ACAN: variants seen among roughly 807,000 people sequenced by gnomAD.
ACAN encodes aggrecan core protein.
A neutral mutation model predicts 169.1 loss-of-function variants in ACAN; 47 were observed. The observed-to-expected ratio is 0.28, with a 90% CI of 0.22 to 0.35. ACAN has a LOEUF of 0.35. ACAN is among the 10% of genes least tolerant of loss of function. ACAN has a pLI of 1.00. For missense variants in ACAN, 2,716 were observed against 2,759.9 expected, an observed-to-expected ratio of 0.98 and a Z score of 0.36; for synonymous variants, 1,115 against 1,112.2, an observed-to-expected ratio of 1.00 and a Z score of -0.05.
intron 1 of ACAN, among the ~76,000 whole-genome samples, chr15:88,828,511 C>T (rs889554418): frequency 1.8e-4 from 27 of 152,076 alleles, no homozygotes; most frequent in South Asian, 2.1e-4. Context: ...TCTGCCTTTT[C>T]GTCCCTAGCA....
intron 1 of ACAN, among the ~76,000 whole-genome samples, chr15:88,829,799 A>G (rs980480145): frequency 1.3e-5 from 2 of 152,194 alleles, no homozygotes; most frequent in Non-Finnish European, 2.9e-5. Flanking sequence ...TCATCTAACA[A>G]GGAGGTGTCA....
chr15:88,859,780 G>T (rs1473732188), intron 12 of ACAN, among the ~76,000 whole-genome samples: 2 of 152,224 alleles, frequency 1.3e-5, no homozygotes, highest in Non-Finnish European at 2.9e-5. Context: ...AGGGAGAGAA[G>T]GATGACTGTC....
At chr15:88,818,793 G>A (rs1268660187) in intron 1 of ACAN, among the ~76,000 whole-genome samples, 2 of 152,194 alleles carry the variant, frequency 1.3e-5, no homozygotes, top group Non-Finnish European at 2.9e-5. Context: ...CCCATGAAGA[G>A]ATTCAGTTTG....
chr15:88,841,990 C>T (rs1012911069), intron 5 of ACAN, 123 bp downstream of exon 5: 1 of 1,320,200 alleles, frequency 7.6e-7, no homozygotes, highest in Middle Eastern at 2.1e-4. Context: ...CACACTCTGT[C>T]CTCCTCTGCC....
chr15:88,819,397 C>G (rs1185938301), intron 1 of ACAN, among the ~76,000 whole-genome samples: 1 of 152,028 alleles, frequency 6.6e-6, no homozygotes, highest in Non-Finnish European at 1.5e-5. Context: ...ATGTTGAACT[C>G]GCTCCATGTG....
rs1418411643 is a variant in ACAN, at chr15:88,855,259, A to G, written c.2674A>G (p.Ser892Gly). The G allele has an allele frequency of 3.1e-6, 5 of 1,607,752 alleles. No homozygotes were observed. The highest frequency in any genetic ancestry group is 2.2e-5 in the East Asian group (1 of 44,702). The change falls in exon 12 of 19, where the codon AGT (serine) becomes GGT (glycine). Residue 892 changes from serine to glycine, a missense_variant. By Grantham distance (56) the Ser-to-Gly change is moderately conservative. Transcript: ENST00000560601. ...TGGGCAGCTGTCAGGGGACAGGGCAAGTGGACTGCCCTCTGGAGACCTGGA... is the reference window on the plus strand; with the variant it reads ...TGGGCAGCTGTCAGGGGACAGGGCAGGTGGACTGCCCTCTGGAGACCTGGA... Reference protein sequence around the residue: ...FSGQLSGDRASGLPSGDLDSS... With the variant: ...FSGQLSGDRAGGLPSGDLDSS...
At chr15:88,831,976 A>G (rs1358700802) in intron 1 of ACAN, among the ~76,000 whole-genome samples, 2 of 152,128 alleles carry the variant, frequency 1.3e-5, no homozygotes, top group Non-Finnish European at 2.9e-5. Flanking sequence ...GTGGCTTCTG[A>G]TGGTGGAACT....
In ACAN at chr15:88,873,562, C is replaced by T. The variant is rs113463673; in HGVS notation, c.7448-280C>T. ...GATGTTTTCATCAAGAAGCCTGAGT[C>T]TGCCTGGCTCTCGCCCTCCACACCT... On this transcript the variant is annotated intron_variant, in intron 17 of 18. Coordinates refer to ENST00000560601, the MANE Select transcript of ACAN (RefSeq NM_001369268.1). The surrounding 1 kb of genome is among the most constrained non-coding windows in gnomAD (Gnocchi z 7.5). Among the ~76,000 whole-genome samples, 109 of 152,356 alleles carry T rather than the reference C, an allele frequency of 7.2e-4. No homozygotes were observed. Among genetic ancestry groups the T allele is most frequent in the African/African-American group, 2.5e-3 (102 of 41,576 alleles).
At chr15:88,836,341 G>A (rs1896503274) in intron 2 of ACAN, 65 bp downstream of exon 2, 2 of 1,375,864 alleles carry the variant, frequency 1.5e-6, no homozygotes, top group South Asian at 1.2e-5. Context: ...TGAGTACTGG[G>A]TACTGAACCT....
At position 88,849,274 on chromosome 15, in the gene ACAN, G is replaced by C. The variant is rs1346925586; in HGVS notation, c.1733-164G>C. On this transcript the variant is annotated intron_variant, in intron 9 of 18. Transcript: ENST00000560601. The surrounding 1 kb of genome is among the most constrained non-coding windows in gnomAD (Gnocchi z 5.1). The stretch of plus-strand genomic sequence containing the variant: ...AGAGCGGTGGTCACCTATTTCCCAG[G>C]GTCCCAGAAAATCTAAGGGGGAGTG... 6.6e-6 allele frequency among the ~76,000 whole-genome samples: 1 copy of C among 152,074 alleles called. No homozygotes were observed. Among genetic ancestry groups the C allele is most frequent in the African/African-American group, 2.4e-5 (1 of 41,378 alleles).
At chr15:88,806,960 A>T (rs1450553918) in intron 1 of ACAN, among the ~76,000 whole-genome samples, 1 of 152,210 alleles carries the variant, frequency 6.6e-6, no homozygotes, top group Non-Finnish European at 1.5e-5. Context: ...GAAGCCCTCT[A>T]TAAGGGTATG....
chr15:88,854,104 T>G (rs1896994320), intron 11 of ACAN, among the ~76,000 whole-genome samples: 1 of 152,234 alleles, frequency 6.6e-6, no homozygotes, highest in Admixed American at 6.5e-5. Context: ...TTTCCTTTTT[T>G]CATTTCTCTG....
At position 88,838,937 on chromosome 15, in the gene ACAN, C is replaced by T. The variant is rs532105305; in HGVS notation, c.345C>T (p.Asp115=). ...SLPNYPAIPS[D]ATLEVQSLRS... is the part of the protein sequence containing the mutation. Reference sequence around the variant, plus strand: ...CCAACTACCCGGCCATCCCCAGTGACGCCACCTTGGAAGTCCAGAGCCTGC... The same window carrying T: ...CCAACTACCCGGCCATCCCCAGTGATGCCACCTTGGAAGTCCAGAGCCTGC... Residue 115 remains aspartate (D), a synonymous_variant, in exon 3 of 19, where the codon GAC becomes GAT. Coordinates refer to ENST00000560601, the MANE Select transcript of ACAN (RefSeq NM_001369268.1). The surrounding 1 kb of genome is among the most constrained non-coding windows in gnomAD (Gnocchi z 5.1). The T allele has an allele frequency of 6.0e-5, 97 of 1,613,944 alleles. No individual in the cohort carries two copies. The highest frequency in any genetic ancestry group is 1.1e-4 in the East Asian group (5 of 44,884).
At position 88,851,121 on chromosome 15, in the gene ACAN, CT is replaced by C. The variant is rs900886195; in HGVS notation, c.2027-672del. 16 of 152,378 alleles carry C rather than the reference CT, an allele frequency of 1.1e-4. No homozygotes were observed. The highest frequency in any genetic ancestry group is 3.6e-4 in the African/African-American group (15 of 41,416). The allele number at this position is 152,378 out of a possible 1,614,324, so 9.4% of individuals were successfully genotyped here. A position where few individuals can be genotyped will look rare whatever the true frequency, so the allele number is the denominator to read the frequency against. On this transcript the variant is annotated intron_variant, in intron 10 of 18. Coordinates refer to ENST00000560601, the MANE Select transcript of ACAN (RefSeq NM_001369268.1). This position sits in a 1 kb window ranked among gnomAD's most constrained non-coding sequence, Gnocchi z 4.3. ...CCATGCTGCCCCCAGCCTCCCACCC[CT>C]GACCCTCCGTGAACTCAGCCTTGTG... is the stretch of plus-strand genomic sequence containing the variant.
chr15:88,846,671 A>G (rs748015306), intron 7 of ACAN, among the ~76,000 whole-genome samples: 3 of 152,248 alleles, frequency 2.0e-5, no homozygotes, highest in Non-Finnish European at 4.4e-5. Context: ...AATACAATAT[A>G]ACCACTACTT....
At position 88,874,614 on chromosome 15, in the gene ACAN, A is replaced by T. The variant is rs1055760541; in HGVS notation, c.*133A>T. 2 of 913,126 alleles carry T rather than the reference A, an allele frequency of 2.2e-6. No individual in the cohort carries two copies. The highest frequency in any genetic ancestry group is 1.7e-6 in the Non-Finnish European group (1 of 575,286). The allele number at this position is 913,126 out of a possible 1,614,324, so 56.6% of individuals were successfully genotyped here. A position where few individuals can be genotyped will look rare whatever the true frequency, so the allele number is the denominator to read the frequency against. On this transcript the variant is annotated 3_prime_UTR_variant, in exon 19 of 19. Coordinates refer to ENST00000560601, the MANE Select transcript of ACAN (RefSeq NM_001369268.1). This position sits in a 1 kb window ranked among gnomAD's most constrained non-coding sequence, Gnocchi z 7.3. Reference sequence around the variant, plus strand: ...AATCCCATTAAAGAAGGAAAAAAATAAATCCCACATTTGTGTATGCACCCA... The same window carrying T: ...AATCCCATTAAAGAAGGAAAAAAATTAATCCCACATTTGTGTATGCACCCA...
Position 88,873,669 on chromosome 15 carries a change from G to A in ACAN, c.7448-173G>A. On this transcript the variant is annotated intron_variant, in intron 17 of 18. Transcript: ENST00000560601. The surrounding 1 kb of genome is among the most constrained non-coding windows in gnomAD (Gnocchi z 7.5). ...CCTTCCTGCTGTTCTAAATTGTTGAGGAACCCAGATGTTACAGCCAGCGGC... is the reference window on the plus strand; with the variant it reads ...CCTTCCTGCTGTTCTAAATTGTTGAAGAACCCAGATGTTACAGCCAGCGGC... 1.6e-6 allele frequency: 1 copy of A among 644,758 alleles called. No individual in the cohort carries two copies. Among genetic ancestry groups the A allele is most frequent in the East Asian group, 2.7e-5 (1 of 36,376 alleles). The allele number at this position is 644,758 out of a possible 1,614,324, so 39.9% of individuals were successfully genotyped here.
chr15:88,836,593 G>A lies in ACAN; in HGVS notation c.70+317G>A, dbSNP rs529108340. Among the ~76,000 whole-genome samples, 111 of 152,344 alleles carry A rather than the reference G, an allele frequency of 7.3e-4. 5 individuals are homozygous for A. The South Asian group carries it at 0.022, about 30-fold the overall frequency. ...ATCTCAGTGAGGACTGCTGCGCACTGAGCTTGCCGGAGGGGCAGGACATAG... is the reference window on the plus strand; with the variant it reads ...ATCTCAGTGAGGACTGCTGCGCACTAAGCTTGCCGGAGGGGCAGGACATAG... On this transcript the variant is annotated intron_variant, in intron 2 of 18. Transcript: ENST00000560601.
In ACAN at chr15:88,851,921, A is replaced by G. The variant is rs534850188; in HGVS notation, c.2154A>G (p.Thr718=). ...GVAAVPVEEE[T]TAVPSGETTA... ...CTGCTGTCCCCGTAGAAGAGGAGAC[A>G]ACTGCTGTACCCTCAGGGGAGACTA... The change falls in exon 11 of 19, where the codon ACA becomes ACG. Residue 718 remains threonine (T), a synonymous_variant. Transcript: ENST00000560601. This position sits in a 1 kb window ranked among gnomAD's most constrained non-coding sequence, Gnocchi z 4.3. 237 of 1,612,734 alleles carry G rather than the reference A, an allele frequency of 1.5e-4. No homozygotes were observed. The highest frequency in any genetic ancestry group is 2.0e-4 in the Non-Finnish European group (235 of 1,179,468).
Sources: allele counts gnomAD v4.1 joint callset (sites outside exome capture counted in the v4.1 genomes callset), GRCh38; gene constraint gnomAD v4.1.1; non-coding constraint Gnocchi (gnomAD v3.1); transcripts MANE v1.5; gene names NCBI Gene and HGNC (gene_info 2026-07-23, HGNC 2026-07-21).